Variants in STK32B observed in about 807,000 individuals in gnomAD.
STK32B encodes the protein serine/threonine kinase 32B.
STK32B carries 43 observed loss-of-function variants against 52.6 expected under a neutral mutation model. The observed-to-expected ratio is 0.82, with a 90% confidence interval of 0.64 to 1.05. STK32B has a LOEUF of 1.05. STK32B is among the 50% of genes least tolerant of loss of function. The pLI, the probability that STK32B is intolerant of heterozygous loss-of-function variation, is 0.00. For synonymous variants in STK32B, 238 were observed against 204.3 expected, an observed-to-expected ratio of 1.17 and a Z score of -1.41; for missense variants, 621 against 534.6, an observed-to-expected ratio of 1.16 and a Z score of -1.59.
intron 1 of STK32B, among the ~76,000 whole-genome samples, chr4:5,077,063 G>A (rs1307017812): frequency 6.6e-6 from 1 of 152,086 alleles, no homozygotes; most frequent in Non-Finnish European, 1.5e-5. Context: ...CAGATTATCC[G>A]AGATACATCC....
chr4:5,366,157 C>T (rs930268975), intron 4 of STK32B, among the ~76,000 whole-genome samples: 2 of 152,092 alleles, frequency 1.3e-5, no homozygotes, highest in Non-Finnish European at 2.9e-5. Flanking sequence ...GGCTGTGCTC[C>T]GAGCAGAAAG....
chr4:5,270,655 C>A (rs1727364812), intron 3 of STK32B, among the ~76,000 whole-genome samples: 1 of 152,162 alleles, frequency 6.6e-6, no homozygotes, highest in East Asian at 1.9e-4. Flanking sequence ...GAACAAATAT[C>A]CACTCTCACT....
chr4:5,495,681 T>TC (rs1720170913), intron 11 of STK32B, among the ~76,000 whole-genome samples: 1 of 152,192 alleles, frequency 6.6e-6, no homozygotes, highest in Admixed American at 6.5e-5. Flanking sequence ...GTTTTTCTGC[T>TC]CTGTTTTTTC....
chr4:5,367,912 G>T (rs535047483), intron 4 of STK32B, among the ~76,000 whole-genome samples: 3 of 151,996 alleles, frequency 2.0e-5, no homozygotes, highest in Non-Finnish European at 2.9e-5. Context: ...CCACATCGCC[G>T]CCCAGGGGTG....
In STK32B at chr4:5,395,147, C is replaced by T. The variant is rs1162339104; in HGVS notation, c.435-3060C>T. ...TCCCAGGGACAGCTACATTCCCCAC[C>T]GTGTGGCTGGCTCCACACAGCAGCT... On this transcript the variant is annotated intron_variant, in intron 4 of 11. Coordinates refer to ENST00000282908, the MANE Select transcript of STK32B (RefSeq NM_018401.3). This position sits in a 1 kb window ranked among gnomAD's most constrained non-coding sequence, Gnocchi z 4.4. Among the ~76,000 whole-genome samples the T allele has an allele frequency of 1.3e-5, 2 of 152,190 alleles. No individual in the cohort carries two copies. Among genetic ancestry groups the T allele is most frequent in the African/African-American group, 2.4e-5 (1 of 41,454 alleles).
intron 3 of STK32B, among the ~76,000 whole-genome samples, chr4:5,316,467 TA>T (rs1730766643): frequency 1.3e-4 from 1 of 7,428 alleles, no homozygotes; most frequent in Non-Finnish European, 1.6e-4. Flanking sequence ...ATATAATATA[TA>T]TTACATATAT....
intron 1 of STK32B, among the ~76,000 whole-genome samples, chr4:5,133,758 G>A (rs1458158857): frequency 6.6e-6 from 1 of 152,178 alleles, no homozygotes; most frequent in Non-Finnish European, 1.5e-5. Context: ...AAGGCCCATG[G>A]CTGGACCAGG....
intron 11 of STK32B, among the ~76,000 whole-genome samples, chr4:5,493,377 G>A (rs866815155): frequency 9.9e-5 from 15 of 152,208 alleles, no homozygotes; most frequent in Middle Eastern, 3.4e-3. Context: ...AGAGGTGTTT[G>A]TAGTATTCTC....
intron 4 of STK32B, among the ~76,000 whole-genome samples, chr4:5,352,290 A>G (rs1733877325): frequency 6.6e-6 from 1 of 152,182 alleles, no homozygotes; most frequent in Non-Finnish European, 1.5e-5. Context: ...ATGGTTCAAC[A>G]TATGCAAATC....
At position 5,104,293 on chromosome 4, in the gene STK32B, G is replaced by C. The variant is rs78396307; in HGVS notation, c.53-35612G>C. On this transcript the variant is annotated intron_variant, in intron 1 of 11. Coordinates refer to ENST00000282908, the MANE Select transcript of STK32B (RefSeq NM_018401.3). ...CCCTGAGCAAACTCTCTTGTCTGCT[G>C]CCATGTAAGACATCCCTTTGCTCTT... Among the ~76,000 whole-genome samples, 412 of 152,248 alleles carry C rather than the reference G, an allele frequency of 2.7e-3. 6 individuals are homozygous for C. In the East Asian group the frequency reaches 0.037, roughly 14 times the overall value.
chr4:5,105,753 C>T (rs1292183950), intron 1 of STK32B, among the ~76,000 whole-genome samples: 2 of 151,600 alleles, frequency 1.3e-5, no homozygotes, highest in African/African-American at 4.8e-5. Context: ...TTAATAGAGA[C>T]AGGGTTTCAC....
chr4:5,179,482 A>G (rs1720188306), intron 3 of STK32B, among the ~76,000 whole-genome samples: 1 of 151,192 alleles, frequency 6.6e-6, no homozygotes, highest in Non-Finnish European at 1.5e-5. Flanking sequence ...GATGATAAAT[A>G]CATAGATGAT....
intron 6 of STK32B, among the ~76,000 whole-genome samples, chr4:5,423,539 A>G (rs1473286667): frequency 1.3e-5 from 2 of 152,186 alleles, no homozygotes; most frequent in Non-Finnish European, 2.9e-5. Flanking sequence ...GGTTGTTCTG[A>G]TTGCTAATAG....
chr4:5,390,795 T>G (rs1253565102), intron 4 of STK32B, among the ~76,000 whole-genome samples: 1 of 152,040 alleles, frequency 6.6e-6, no homozygotes, highest in Non-Finnish European at 1.5e-5. Flanking sequence ...AAGATGTTGG[T>G]ACAATTGGTT....
chr4:5,159,439 A>G (rs1266394531), intron 2 of STK32B, among the ~76,000 whole-genome samples: 1 of 146,206 alleles, frequency 6.8e-6, no homozygotes, highest in Non-Finnish European at 1.5e-5. Context: ...AACAGAACCA[A>G]TGGGGTGTAA....
At chr4:5,490,581 T>G (rs1396765196) in intron 11 of STK32B, among the ~76,000 whole-genome samples, 2 of 152,160 alleles carry the variant, frequency 1.3e-5, no homozygotes, top group Non-Finnish European at 2.9e-5. Flanking sequence ...TTTTAAATTT[T>G]TTTATTATTA....
intron 3 of STK32B, among the ~76,000 whole-genome samples, chr4:5,203,778 C>T (rs1269660896): frequency 6.6e-6 from 1 of 152,180 alleles, no homozygotes. Context: ...GTGCTCACCT[C>T]CCCCAGCTTC....
intron 1 of STK32B, among the ~76,000 whole-genome samples, chr4:5,105,713 G>A (rs562627193): frequency 9.9e-5 from 15 of 151,864 alleles, no homozygotes; most frequent in African/African-American, 2.2e-4. Flanking sequence ...ACAGGCGCCC[G>A]CCACCACGCC....
At chr4:5,356,799 C>G (rs1383643824) in intron 4 of STK32B, among the ~76,000 whole-genome samples, 2 of 152,074 alleles carry the variant, frequency 1.3e-5, no homozygotes, top group Non-Finnish European at 2.9e-5. Context: ...GAGTTCGAGA[C>G]CAGTCTGGCC....
Sources: gnomAD v4.1 joint callset for allele counts (sites outside exome capture counted in the v4.1 genomes callset) on GRCh38, gnomAD v4.1.1 for gene constraint, Gnocchi (gnomAD v3.1) non-coding constraint, MANE v1.5 for transcripts, NCBI Gene and HGNC (gene_info 2026-07-23, HGNC 2026-07-21) for gene names.